KMT2C: variants seen among roughly 807,000 people sequenced by gnomAD.
The protein encoded by KMT2C is lysine methyltransferase 2C, also known as histone-lysine N-methyltransferase 2C.
KMT2C carries 88 observed loss-of-function variants against 507.9 expected under a neutral mutation model. That is an observed-to-expected ratio of 0.17 (90% CI 0.15 to 0.21). The LOEUF (loss-of-function observed/expected upper bound fraction) is 0.21. Ranked by LOEUF, KMT2C falls within the 10% of genes least tolerant of loss-of-function variation. The pLI is 1.00. For missense variants in KMT2C, 4,954 were observed against 5,957.8 expected (o/e 0.83, Z 5.55); for synonymous variants, 2,049 against 2,080.8 (o/e 0.98, Z 0.42).
rs778172326 is a variant in KMT2C at position 152,182,425 on chromosome 7, G to A, written c.5435C>T (p.Pro1812Leu). The change falls in exon 36 of 59, where the codon CCT becomes CTT. Residue 1812 changes from proline to leucine, a missense_variant. Pro to Leu is a moderately conservative substitution (Grantham distance 98). Coordinates refer to ENST00000262189, the MANE Select transcript of KMT2C (RefSeq NM_170606.3). ...PSSGIQSPLT[P>L]QPGNGNMSPA... ...AGACATATTTCCATTGCCAGGCTGA[G>A]GTGTCAAGGGACTCTGTATCCCACT... is the stretch of plus-strand genomic sequence containing the variant. The A allele has an allele frequency of 6.2e-7, 1 of 1,613,848 alleles. No individual in the cohort carries two copies. The highest frequency in any genetic ancestry group is 8.5e-7 in the Non-Finnish European group (1 of 1,179,806).
Position 152,387,621 on chromosome 7 carries a change from C to T in KMT2C, c.162-28946G>A, listed in dbSNP as rs2097443276. Among the ~76,000 whole-genome samples the T allele has an allele frequency of 2.0e-5, 3 of 152,208 alleles. No homozygotes were observed. In the South Asian group the frequency reaches 6.2e-4, roughly 32 times the overall value. On this transcript the variant is annotated intron_variant, in intron 1 of 58. Transcript: ENST00000262189. ...AAGTAGCTGGGACTACAGGCGCCCA[C>T]CACCATACCCGGCTAATTTTTTGTA...
intron 2 of KMT2C, among the ~76,000 whole-genome samples, chr7:152,345,738 C>A (rs1446689716): frequency 6.6e-6 from 1 of 152,126 alleles, no homozygotes; most frequent in Non-Finnish European, 1.5e-5. Context: ...TCAGGCTGGA[C>A]TCAAACTCCT....
At chr7:152,330,881 G>A in intron 2 of KMT2C, 142 bp from the exon 3 acceptor site, 4 of 731,140 alleles carry the variant, frequency 5.5e-6, no homozygotes, top group Non-Finnish European at 9.0e-6. Flanking sequence ...AAAAGTTCAT[G>A]CACGTAATTA....
intron 23 of KMT2C, among the ~76,000 whole-genome samples, chr7:152,215,479 A>C (rs2094551291): frequency 7.5e-6 from 1 of 133,598 alleles, no homozygotes; most frequent in Non-Finnish European, 1.5e-5. Context: ...GTGCCACTGC[A>C]CTCCAGCCTG....
intron 1 of KMT2C, among the ~76,000 whole-genome samples, chr7:152,435,028 G>A (rs1314009595): frequency 6.6e-6 from 1 of 152,080 alleles, no homozygotes; most frequent in Non-Finnish European, 1.5e-5. Context: ...GGAGGGGGGA[G>A]GAAGAAGTCA....
Position 152,347,299 on chromosome 7 carries a change from A to G in KMT2C, c.250+11288T>C, listed in dbSNP as rs192557058. ...ATCAAGCAGTTCAACTTTTTCTTGTATGTCATGACTTTGCTTCTTGTAGGG... is the reference window on the plus strand; with the variant it reads ...ATCAAGCAGTTCAACTTTTTCTTGTGTGTCATGACTTTGCTTCTTGTAGGG... On this transcript the variant is annotated intron_variant, in intron 2 of 58. Coordinates refer to ENST00000262189, the MANE Select transcript of KMT2C (RefSeq NM_170606.3). 3.4e-3 allele frequency among the ~76,000 whole-genome samples: 523 copies of G among 152,314 alleles called. 5 individuals carry two copies. The highest frequency in any genetic ancestry group is 0.012 in the African/African-American group (497 of 41,566).
intron 1 of KMT2C, among the ~76,000 whole-genome samples, chr7:152,399,903 G>C (rs1215958683): frequency 6.6e-6 from 1 of 151,686 alleles, no homozygotes; most frequent in Non-Finnish European, 1.5e-5. Context: ...TAAAGTAGAA[G>C]AGATGGCCAG....
At chr7:152,156,173 C>T (rs771866718) in intron 45 of KMT2C, 32 bp downstream of exon 45, 11 of 1,608,860 alleles carry the variant, frequency 6.8e-6, no homozygotes, top group Admixed American at 3.3e-5. Flanking sequence ...CACATTTCTC[C>T]GAGGTGTGAA....
intron 28 of KMT2C, 44 bp from the exon 29 acceptor site, chr7:152,194,612 C>T (rs1382252777): frequency 2.0e-5 from 31 of 1,530,186 alleles, no homozygotes; most frequent in Middle Eastern, 1.7e-4. Context: ...ATTCAGAATA[C>T]TCACACAAAA....
intron 53 of KMT2C, 134 bp from the exon 54 acceptor site, chr7:152,145,429 CT>C: frequency 1.2e-6 from 1 of 842,928 alleles, no homozygotes; most frequent in Non-Finnish European, 1.8e-6. Flanking sequence ...GGTCTTCTAG[CT>C]TATGTTAACA....
In KMT2C at chr7:152,323,837, G is replaced by GGA. The variant is rs755994844; in HGVS notation, c.389+6762_389+6763dup. 3.5e-3 allele frequency among the ~76,000 whole-genome samples: 509 copies of GGA among 145,850 alleles called. 6 individuals carry two copies. Among genetic ancestry groups the GGA allele is most frequent in the Middle Eastern group, 7.1e-3 (2 of 282 alleles). The stretch of plus-strand genomic sequence containing the variant: ...GGGGAAGGGGATTAAGGAAGAGTGG[G>GGA]GAGAGAGAGAGAGAGAGAAGCGGGA... On this transcript the variant is annotated intron_variant, in intron 3 of 58. Coordinates refer to ENST00000262189, the MANE Select transcript of KMT2C (RefSeq NM_170606.3).
intron 40 of KMT2C, among the ~76,000 whole-genome samples, chr7:152,170,043 AT>A (rs1309813447): frequency 5.9e-5 from 9 of 152,222 alleles, no homozygotes; most frequent in Non-Finnish European, 1.2e-4. Flanking sequence ...GGTAATAATT[AT>A]AAACTTATAC....
intron 1 of KMT2C, among the ~76,000 whole-genome samples, chr7:152,366,509 T>C (rs1044852141): frequency 1.3e-5 from 2 of 151,682 alleles, no homozygotes; most frequent in African/African-American, 2.4e-5. Flanking sequence ...AAAAAAATAG[T>C]GGATGATTCC....
intron 9 of KMT2C, among the ~76,000 whole-genome samples, chr7:152,254,597 A>C (rs937186765): frequency 2.0e-5 from 3 of 152,206 alleles, no homozygotes. Context: ...ACCAACATAA[A>C]TACTTCAATT....
chr7:152,146,852 G>A, intron 52 of KMT2C, 117 bp from the exon 53 acceptor site: 1 of 903,886 alleles, frequency 1.1e-6, no homozygotes, highest in South Asian at 1.8e-5. Context: ...AATCCTGTTG[G>A]GCAATAATCT....
chr7:152,263,711 A>G (rs538158060), intron 8 of KMT2C, among the ~76,000 whole-genome samples: 1 of 152,326 alleles, frequency 6.6e-6, no homozygotes, highest in East Asian at 1.9e-4. Flanking sequence ...TAAATGCTGA[A>G]TAATTATTTC....
At chr7:152,410,935 C>T (rs1030905854) in intron 1 of KMT2C, among the ~76,000 whole-genome samples, 3 of 151,018 alleles carry the variant, frequency 2.0e-5, no homozygotes, top group Non-Finnish European at 4.4e-5. Flanking sequence ...GTTGGAAGGT[C>T]GAGGCTGCAG....
At chr7:152,307,191 G>GGA (rs764291687) in intron 6 of KMT2C, among the ~76,000 whole-genome samples, 56 of 88,174 alleles carry the variant, frequency 6.4e-4, no homozygotes, top group African/African-American at 2.4e-3. Flanking sequence ...AAGGAAAGAA[G>GGA]AGGGAGGAAG....
intron 6 of KMT2C, among the ~76,000 whole-genome samples, chr7:152,289,046 C>A (rs2096359271): frequency 6.6e-6 from 1 of 152,298 alleles, no homozygotes; most frequent in South Asian, 2.1e-4. Context: ...GTTATTGAAC[C>A]AGAAAGGAGA....
Sources: allele counts gnomAD v4.1 joint callset (sites outside exome capture counted in the v4.1 genomes callset), GRCh38; gene constraint gnomAD v4.1.1; transcripts MANE v1.5; gene names NCBI Gene and HGNC (gene_info 2026-07-23, HGNC 2026-07-21).